CCDC102B: variants seen among roughly 807,000 people sequenced by gnomAD.
CCDC102B encodes the protein coiled-coil domain containing 102B, also known as coiled-coil domain-containing protein 102B.
CCDC102B carries 75 observed loss-of-function variants against 57.4 expected under a neutral mutation model. The ratio of observed to expected loss-of-function variants is 1.31; its 90% CI spans 1.08 to 1.58. The LOEUF (loss-of-function observed/expected upper bound fraction) is 1.58. Ranked by LOEUF, CCDC102B falls within the 40% of genes most tolerant of loss-of-function variation. The pLI is 0.00. For synonymous variants in CCDC102B, 206 were observed against 201.9 expected, an observed-to-expected ratio of 1.02 and a Z score of -0.17; for missense variants, 636 against 582.6, an observed-to-expected ratio of 1.09 and a Z score of -0.94.
At position 68,837,366 on chromosome 18, in the gene CCDC102B, T is replaced by A. The variant is rs1247250496; in HGVS notation, c.603T>A (p.Asn201Lys). The change falls in exon 2 of 8, where the codon AAT (asparagine) becomes AAA (lysine). Residue 201 changes from asparagine to lysine, a missense_variant. Transcript: ENST00000360242. ...RQFSTKEDTN[N>K]KEQGVVIDSL... is the part of the protein sequence containing the mutation. ...TTTCTACAAAGGAGGACACAAATAA[T>A]AAGGTAAGAAAAAAATCCAGAGATG... 1.9e-6 allele frequency: 3 copies of A among 1,601,072 alleles called. No individual in the cohort carries two copies. Among genetic ancestry groups the A allele is most frequent in the African/African-American group, 1.3e-5 (1 of 74,154 alleles).
At chr18:68,770,185 G>A (rs2034594696) in intron 2 of CCDC102B, among the ~76,000 whole-genome samples, 3 of 152,114 alleles carry the variant, frequency 2.0e-5, no homozygotes, top group Admixed American at 2.0e-4. Context: ...TTCACTAAGA[G>A]GTAAGAAATC....
intron 6 of CCDC102B, among the ~76,000 whole-genome samples, chr18:68,955,142 T>C (rs2145206585): frequency 6.6e-6 from 1 of 152,338 alleles, no homozygotes; most frequent in South Asian, 2.1e-4. Context: ...TGTGTGCCTT[T>C]ATTTTTAAAC....
At chr18:68,758,989 A>G (rs2034156645) in intron 2 of CCDC102B, among the ~76,000 whole-genome samples, 1 of 151,638 alleles carries the variant, frequency 6.6e-6, no homozygotes, top group South Asian at 2.1e-4. Context: ...AAGAAATAAC[A>G]ACAGAATGCC....
At chr18:68,728,945 T>TA (rs904581233) in intron 2 of CCDC102B, among the ~76,000 whole-genome samples, 13 of 151,840 alleles carry the variant, frequency 8.6e-5, no homozygotes, top group Non-Finnish European at 1.6e-4. Context: ...GATTTTTTTT[T>TA]AAAAAAGTTC....
At chr18:68,862,752 C>T (rs2038815946) in intron 4 of CCDC102B, among the ~76,000 whole-genome samples, 2 of 151,950 alleles carry the variant, frequency 1.3e-5, no homozygotes, top group South Asian at 4.2e-4. Context: ...TCCAAGTATG[C>T]CTATAAATAG....
At chr18:68,870,638 A>C (rs1413341332) in intron 4 of CCDC102B, among the ~76,000 whole-genome samples, 1 of 152,214 alleles carries the variant, frequency 6.6e-6, no homozygotes, top group Non-Finnish European at 1.5e-5. Context: ...ATTTCATCAC[A>C]GGACGTCCTT....
chr18:69,040,076 G>A (rs905445863), intron 7 of CCDC102B, among the ~76,000 whole-genome samples: 1 of 151,704 alleles, frequency 6.6e-6, no homozygotes, highest in African/African-American at 2.4e-5. Context: ...AGGCTTATAA[G>A]GTACCCTTAT....
chr18:69,048,736 C>T, intron 7 of CCDC102B, among the ~76,000 whole-genome samples: 1 of 151,914 alleles, frequency 6.6e-6, no homozygotes, highest in South Asian at 2.1e-4. Flanking sequence ...CTCCCCCATA[C>T]CCCTTGGAAG....
intron 2 of CCDC102B, among the ~76,000 whole-genome samples, chr18:68,784,103 G>A (rs58956149): frequency 0.065 from 9,837 of 152,194 alleles, 594 homozygotes; most frequent in African/African-American, 0.16. Flanking sequence ...AAGAGCCATT[G>A]TATTAGTACA....
intron 7 of CCDC102B, among the ~76,000 whole-genome samples, chr18:69,020,434 G>A (rs1458921701): frequency 2.0e-5 from 3 of 152,068 alleles, no homozygotes; most frequent in East Asian, 3.9e-4. Flanking sequence ...GGTTAAAGTC[G>A]AATACAATGA....
intron 5 of CCDC102B, among the ~76,000 whole-genome samples, chr18:68,889,871 A>G (rs942766815): frequency 2.6e-5 from 4 of 152,234 alleles, no homozygotes; most frequent in African/African-American, 9.6e-5. Flanking sequence ...TTTTAGGCTA[A>G]AACTACTGTT....
chr18:68,765,045 T>TAAATAAATAAA (rs2034378404), intron 2 of CCDC102B, among the ~76,000 whole-genome samples: 4 of 127,148 alleles, frequency 3.1e-5, no homozygotes, highest in East Asian at 4.5e-4. Flanking sequence ...AAACCCTCTC[T>TAAATAAATAAA]TAAATAAATA....
At chr18:69,029,649 A>G (rs2052086294) in intron 7 of CCDC102B, among the ~76,000 whole-genome samples, 1 of 152,214 alleles carries the variant, frequency 6.6e-6, no homozygotes, top group African/African-American at 2.4e-5. Context: ...TTGGAGGTTC[A>G]TAAGGTCAAA....
chr18:68,733,380 A>T (rs12965503), intron 2 of CCDC102B, among the ~76,000 whole-genome samples: 1 of 151,542 alleles, frequency 6.6e-6, no homozygotes, highest in African/African-American at 2.4e-5. Context: ...TTTGCAAATT[A>T]CCTTGTGGTT....
intron 7 of CCDC102B, among the ~76,000 whole-genome samples, chr18:69,018,468 C>G (rs2051733635): frequency 6.6e-6 from 1 of 152,244 alleles, no homozygotes; most frequent in African/African-American, 2.4e-5. Flanking sequence ...TAATAGCCAT[C>G]TTGAAAAGTG....
intron 6 of CCDC102B, among the ~76,000 whole-genome samples, chr18:68,928,326 T>C (rs1315662481): frequency 6.6e-6 from 1 of 151,820 alleles, no homozygotes. Context: ...CAAAAGGCTA[T>C]TGACAGTGAA....
At chr18:69,007,338 G>A (rs1040987757) in intron 6 of CCDC102B, among the ~76,000 whole-genome samples, 1 of 152,156 alleles carries the variant, frequency 6.6e-6, no homozygotes, top group African/African-American at 2.4e-5. Context: ...CCAACCCCAG[G>A]TGTAAGCAGG....
intron 2 of CCDC102B, among the ~76,000 whole-genome samples, chr18:68,743,239 AT>A (rs1407859373): frequency 1.4e-5 from 2 of 145,896 alleles, no homozygotes; most frequent in South Asian, 2.2e-4. Flanking sequence ...AAATAAATAA[AT>A]AAATAAATAA....
chr18:69,053,911 C>T, intron 7 of CCDC102B, 119 bp from the exon 8 acceptor site: 1 of 748,174 alleles, frequency 1.3e-6, no homozygotes, highest in Non-Finnish European at 2.1e-6. Flanking sequence ...GGTGAGAATA[C>T]TTACAATCTA....
Sources: allele counts gnomAD v4.1 joint callset (sites outside exome capture counted in the v4.1 genomes callset), GRCh38; gene constraint gnomAD v4.1.1; transcripts MANE v1.5; gene names NCBI Gene and HGNC (gene_info 2026-07-23, HGNC 2026-07-21).